LPP: variants seen among roughly 807,000 people sequenced by gnomAD.
LPP encodes LIM domain containing preferred translocation partner in lipoma, also known as lipoma-preferred partner.
A neutral mutation model predicts 60.4 loss-of-function variants in LPP; 38 were observed. The ratio of observed to expected loss-of-function variants is 0.63; its 90% CI spans 0.49 to 0.83. The LOEUF is 0.83. LPP is among the 40% of genes least tolerant of loss of function. The pLI is 0.00. For missense variants in LPP, 902 were observed against 783.6 expected (o/e 1.15, Z -1.80); for synonymous variants, 328 against 290.8 (o/e 1.13, Z -1.30).
At chr3:188,698,412 G>C (rs1194203751) in intron 7 of LPP, among the ~76,000 whole-genome samples, 2 of 151,988 alleles carry the variant, frequency 1.3e-5, no homozygotes, top group Non-Finnish European at 2.9e-5. Flanking sequence ...GGGAAAAACT[G>C]AGTGTATGTT....
chr3:188,729,628 A>G (rs950363364), intron 8 of LPP, among the ~76,000 whole-genome samples: 1 of 152,142 alleles, frequency 6.6e-6, no homozygotes, highest in East Asian at 1.9e-4. Context: ...CAAGCCAGCT[A>G]TATTTTTGGT....
intron 4 of LPP, among the ~76,000 whole-genome samples, chr3:188,462,542 CTTTA>C (rs1158317640): frequency 0.049 from 3,131 of 64,028 alleles, 272 homozygotes; most frequent in Middle Eastern, 0.12. Context: ...TTTATATGAG[CTTTA>C]TATATATATA....
intron 6 of LPP, among the ~76,000 whole-genome samples, chr3:188,587,792 G>A (rs1267278119): frequency 6.6e-6 from 1 of 152,066 alleles, no homozygotes; most frequent in Non-Finnish European, 1.5e-5. Context: ...AAATAAAATA[G>A]GTTTCTTATT....
intron 1 of LPP, among the ~76,000 whole-genome samples, chr3:188,154,585 C>A (rs1434525386): frequency 6.6e-6 from 1 of 152,220 alleles, no homozygotes; most frequent in Non-Finnish European, 1.5e-5. Context: ...GTTGTCACAG[C>A]GGAAAGGGCC....
At chr3:188,155,250 T>C (rs924939951) in intron 1 of LPP, among the ~76,000 whole-genome samples, 3 of 152,066 alleles carry the variant, frequency 2.0e-5, no homozygotes, top group African/African-American at 7.2e-5. Flanking sequence ...ATCCACTGCT[T>C]TCCCTCCCCC....
chr3:188,462,588 ATGTGTGTG>A (rs71169003), intron 4 of LPP, among the ~76,000 whole-genome samples: 12,015 of 57,168 alleles, frequency 0.21, 1,302 homozygotes, highest in East Asian at 0.27. Flanking sequence ...ATATATATGC[ATGTGTGTG>A]TGTGTGTGTG....
chr3:188,212,120 A>G (rs1711525940), intron 1 of LPP, among the ~76,000 whole-genome samples: 1 of 152,068 alleles, frequency 6.6e-6, no homozygotes, highest in African/African-American at 2.4e-5. Flanking sequence ...TGGTCTCCCA[A>G]AGTGCTGGGA....
At chr3:188,350,789 G>A (rs556262563) in intron 3 of LPP, among the ~76,000 whole-genome samples, 1 of 152,270 alleles carries the variant, frequency 6.6e-6, no homozygotes, top group South Asian at 2.1e-4. Flanking sequence ...AGTTTTTAAT[G>A]TATGAAACAT....
At position 188,882,470 on chromosome 3, in the gene LPP, A is replaced by G. The variant is rs1178320015; in HGVS notation, c.*7991A>G. 8.8e-6 allele frequency: 2 copies of G among 226,634 alleles called. No individual in the cohort carries two copies. The highest frequency in any genetic ancestry group is 1.8e-5 in the Non-Finnish European group (2 of 113,980). 14.0% of individuals were successfully genotyped at this position (226,634 alleles called of 1,614,324 possible). ...CTCTTTATAATTGGAAGAGAAGATGATCTGCCAAAATATAACCCAGCATGC... is the reference window on the plus strand; with the variant it reads ...CTCTTTATAATTGGAAGAGAAGATGGTCTGCCAAAATATAACCCAGCATGC... On this transcript the variant is annotated 3_prime_UTR_variant, in exon 12 of 12. Coordinates refer to ENST00000617246, the MANE Select transcript of LPP (RefSeq NM_001375462.1).
intron 2 of LPP, among the ~76,000 whole-genome samples, chr3:188,227,965 G>A (rs964913547): frequency 3.9e-5 from 6 of 152,204 alleles, no homozygotes; most frequent in East Asian, 1.9e-4. Flanking sequence ...AGGTGGCCCC[G>A]CAAAGGAATA....
At chr3:188,514,224 C>A (rs9874528) in intron 5 of LPP, among the ~76,000 whole-genome samples, 5 of 151,698 alleles carry the variant, frequency 3.3e-5, no homozygotes, top group Non-Finnish European at 5.9e-5. Context: ...TATTTTTCTT[C>A]TCATTGTTTT....
chr3:188,217,739 G>C lies in LPP; in HGVS notation c.-189-7666G>C, dbSNP rs906255885. 6.6e-6 allele frequency among the ~76,000 whole-genome samples: 1 copy of C among 152,148 alleles called. No individual in the cohort carries two copies. Among genetic ancestry groups the C allele is most frequent in the Admixed American group, 6.5e-5 (1 of 15,282 alleles). The stretch of plus-strand genomic sequence containing the variant: ...AGGGAAATGAAAATAGGTGCCCTAG[G>C]GGGTTGCCCAGATAAGCAGCTGGCG... On this transcript the variant is annotated intron_variant, in intron 1 of 11. Coordinates refer to ENST00000617246, the MANE Select transcript of LPP (RefSeq NM_001375462.1). The surrounding 1 kb of genome is among the most constrained non-coding windows in gnomAD (Gnocchi z 4.0).
intron 2 of LPP, among the ~76,000 whole-genome samples, chr3:188,285,535 A>AT (rs2149979467): frequency 6.6e-6 from 1 of 152,130 alleles, no homozygotes; most frequent in African/African-American, 2.4e-5. Context: ...AGTAGCTGGG[A>AT]TTACAGGTAT....
intron 5 of LPP, among the ~76,000 whole-genome samples, chr3:188,496,764 G>A (rs1810353752): frequency 6.6e-6 from 1 of 152,134 alleles, no homozygotes; most frequent in South Asian, 2.1e-4. Context: ...TTCTGTTGCA[G>A]GATCCTCTAT....
Position 188,750,265 on chromosome 3 carries a change from A to G in LPP, c.1241-9848A>G, listed in dbSNP as rs1453527408. Among the ~76,000 whole-genome samples, 4 of 152,226 alleles carry G rather than the reference A, an allele frequency of 2.6e-5. No homozygotes were observed. The South Asian group carries it at 6.2e-4, about 24-fold the overall frequency. ...ATTTTGGAGGGAACCAATTCAAATC[A>G]TAGCACACATCTTTTCTAAAATGGA... On this transcript the variant is annotated intron_variant, in intron 8 of 11. Transcript: ENST00000617246.
chr3:188,222,278 T>G (rs1716072988), intron 1 of LPP, among the ~76,000 whole-genome samples: 1 of 152,188 alleles, frequency 6.6e-6, no homozygotes, highest in Non-Finnish European at 1.5e-5. Flanking sequence ...CTAACAAACT[T>G]AGGGAATATG....
intron 4 of LPP, among the ~76,000 whole-genome samples, chr3:188,433,696 G>A (rs1791587989): frequency 6.7e-6 from 1 of 149,404 alleles, no homozygotes; most frequent in Non-Finnish European, 1.5e-5. Context: ...GAAGGAGAGA[G>A]AGAGATGATG....
intron 2 of LPP, among the ~76,000 whole-genome samples, chr3:188,306,379 G>A (rs1046171500): frequency 1.4e-4 from 22 of 151,978 alleles, no homozygotes; most frequent in East Asian, 5.8e-4. Flanking sequence ...GTGAGCCACC[G>A]TGCCTGGCCT....
At chr3:188,337,445 C>G (rs1370430199) in intron 2 of LPP, among the ~76,000 whole-genome samples, 1 of 152,096 alleles carries the variant, frequency 6.6e-6, no homozygotes, top group Non-Finnish European at 1.5e-5. Context: ...ATGGGGCTTG[C>G]TGGGATCCTT....
Sources: gnomAD v4.1 joint callset for allele counts (sites outside exome capture counted in the v4.1 genomes callset) on GRCh38, gnomAD v4.1.1 for gene constraint, Gnocchi (gnomAD v3.1) non-coding constraint, MANE v1.5 for transcripts, NCBI Gene and HGNC (gene_info 2026-07-23, HGNC 2026-07-21) for gene names.